KCND3: variants seen among roughly 807,000 people sequenced by gnomAD.
KCND3 encodes potassium voltage-gated channel subfamily D member 3, also known as A-type voltage-gated potassium channel KCND3.
KCND3 carries 9 observed loss-of-function variants against 51.1 expected under a neutral mutation model. The observed-to-expected ratio is 0.18, with a 90% CI of 0.11 to 0.31. The LOEUF (loss-of-function observed/expected upper bound fraction) is 0.31, where lower values mean the gene tolerates loss of function less well. Ranked by LOEUF, KCND3 falls within the 10% of genes least tolerant of loss-of-function variation. KCND3 has a pLI of 1.00. For synonymous variants in KCND3, 349 were observed against 368.0 expected (o/e 0.95, Z 0.59); for missense variants, 526 against 903.8 (o/e 0.58, Z 5.36).
At chr1:111,878,753 G>C (rs1245970876) in intron 2 of KCND3, among the ~76,000 whole-genome samples, 1 of 152,220 alleles carries the variant, frequency 6.6e-6, no homozygotes, top group Non-Finnish European at 1.5e-5. Flanking sequence ...AGAGTTAGCT[G>C]TACCAGGCAA....
At chr1:111,776,389 C>T in intron 7 of KCND3, 111 bp from the exon 8 acceptor site, 1 of 953,440 alleles carries the variant, frequency 1.0e-6, no homozygotes, top group Admixed American at 2.0e-5. Context: ...TTTTGTTGTG[C>T]CTCTATCTCT....
intron 2 of KCND3, among the ~76,000 whole-genome samples, chr1:111,817,136 C>A (rs1290127741): frequency 6.7e-6 from 1 of 150,346 alleles, no homozygotes; most frequent in Non-Finnish European, 1.5e-5. Flanking sequence ...TTTCCCTTAA[C>A]TTTTGAATGT....
At chr1:111,846,935 C>T (rs1389898419) in intron 2 of KCND3, among the ~76,000 whole-genome samples, 2 of 152,196 alleles carry the variant, frequency 1.3e-5, no homozygotes, top group Non-Finnish European at 2.9e-5. Flanking sequence ...CCTGTGTTCT[C>T]CTACTGGGTC....
intron 2 of KCND3, among the ~76,000 whole-genome samples, chr1:111,895,262 C>A (rs1366196235): frequency 6.6e-6 from 1 of 151,330 alleles, no homozygotes; most frequent in Non-Finnish European, 1.5e-5. Flanking sequence ...TGGGACCAGG[C>A]TGTAGACCAG....
intron 2 of KCND3, among the ~76,000 whole-genome samples, chr1:111,892,501 T>C (rs1669878184): frequency 6.6e-6 from 1 of 152,200 alleles, no homozygotes; most frequent in Non-Finnish European, 1.5e-5. Flanking sequence ...AAATAATTCT[T>C]GAGTGCCTAC....
chr1:111,772,532 G>GA lies in KCND3; in HGVS notation c.*3544dup, dbSNP rs1663964940. The GA allele has an allele frequency of 6.6e-6, 1 of 152,332 alleles. No homozygotes were observed. 9.4% of individuals were successfully genotyped at this position (152,332 alleles called of 1,614,324 possible). A position where few individuals can be genotyped will look rare whatever the true frequency, so the allele number is the denominator to read the frequency against. On this transcript the variant is annotated 3_prime_UTR_variant, in exon 8 of 8. Coordinates refer to ENST00000302127, the MANE Select transcript of KCND3 (RefSeq NM_001378969.1). ...GCTCTCAGAGGCAGTGGGTGTGGTA[G>GA]AAAATGCATTAGACTAATAGCCAAA...
At chr1:111,864,691 T>A (rs2101697894) in intron 2 of KCND3, among the ~76,000 whole-genome samples, 1 of 152,320 alleles carries the variant, frequency 6.6e-6, no homozygotes, top group African/African-American at 2.4e-5. Context: ...AGAAGGCATC[T>A]CAGGAGGAAC....
chr1:111,873,619 T>C (rs975064664), intron 2 of KCND3, among the ~76,000 whole-genome samples: 1 of 152,090 alleles, frequency 6.6e-6, no homozygotes, highest in Non-Finnish European at 1.5e-5. Context: ...GCTGCAGACC[T>C]AGCCCAGGGC....
At chr1:111,813,536 G>T (rs1665949968) in intron 2 of KCND3, among the ~76,000 whole-genome samples, 1 of 152,208 alleles carries the variant, frequency 6.6e-6, no homozygotes, top group African/African-American at 2.4e-5. Flanking sequence ...AACAGAGGCT[G>T]CCATCTGTAA....
chr1:111,902,670 T>C (rs1222736886), intron 2 of KCND3, among the ~76,000 whole-genome samples: 4 of 152,236 alleles, frequency 2.6e-5, no homozygotes, highest in Non-Finnish European at 4.4e-5. Context: ...GCCAGCTACT[T>C]TCCAGTGTTG....
chr1:111,921,257 A>G (rs1175859466), intron 2 of KCND3, among the ~76,000 whole-genome samples: 1 of 152,200 alleles, frequency 6.6e-6, no homozygotes, highest in Non-Finnish European at 1.5e-5. Flanking sequence ...GCTACAGCTG[A>G]AAAATGTGTA....
rs1019786983 is a variant in KCND3 at position 111,777,055 on chromosome 1, C to G, written c.1737G>C (p.Gln579His). The G allele has an allele frequency of 1.9e-6, 3 of 1,613,654 alleles. No homozygotes were observed. The highest frequency in any genetic ancestry group is 2.5e-6 in the Non-Finnish European group (3 of 1,179,884). ...SMQELSTIHIQGSEQPSLTTS... is the reference protein window; with the variant it reads ...SMQELSTIHIHGSEQPSLTTS... ...TTGTGAGGGAGGGCTGCTCACTGCC[C>G]TGGATGTGGATCGTGCTGAGCTCTT... Residue 579 changes from glutamine to histidine, a missense_variant, in exon 7 of 8, where the codon CAG (glutamine) becomes CAC (histidine). This residue lies in a region of KCND3 where 266 missense variants were observed against 305.5 expected (regional missense o/e 0.87). Transcript: ENST00000302127.
chr1:111,868,554 T>C (rs1557988566), intron 2 of KCND3, among the ~76,000 whole-genome samples: 7 of 152,112 alleles, frequency 4.6e-5, no homozygotes. Flanking sequence ...CCCATGGGCA[T>C]GGGGGGGACT....
Position 111,780,170 on chromosome 1 carries a change from T to C in KCND3, c.1461+55A>G. 6.7e-7 allele frequency: 1 copy of C among 1,489,716 alleles called. No homozygotes were observed. The highest frequency in any genetic ancestry group is 9.2e-7 in the Non-Finnish European group (1 of 1,091,244). The allele number at this position is 1,489,716 out of a possible 1,614,324, so 92.3% of individuals were successfully genotyped here. On this transcript the variant is annotated intron_variant, in intron 5 of 7. Transcript: ENST00000302127. This position sits in a 1 kb window ranked among gnomAD's most constrained non-coding sequence, Gnocchi z 4.2. Reference sequence around the variant, plus strand: ...CAGAGTGAAGATGTGAGTACAGCCTTAGAAAAGGGTCAGGGTCAGCGATGA... The same window carrying C: ...CAGAGTGAAGATGTGAGTACAGCCTCAGAAAAGGGTCAGGGTCAGCGATGA...
intron 2 of KCND3, among the ~76,000 whole-genome samples, chr1:111,866,886 T>C (rs912292126): frequency 2.6e-5 from 4 of 152,208 alleles, no homozygotes; most frequent in African/African-American, 7.2e-5. Flanking sequence ...TAATCACCAG[T>C]GCCAGCACCA....
chr1:111,801,896 G>A (rs986947624), intron 2 of KCND3, among the ~76,000 whole-genome samples: 5 of 152,166 alleles, frequency 3.3e-5, no homozygotes, highest in Admixed American at 2.0e-4. Flanking sequence ...CTACACCCAC[G>A]TGGCACAGGA....
At chr1:111,821,400 G>C (rs1357312497) in intron 2 of KCND3, among the ~76,000 whole-genome samples, 6 of 152,200 alleles carry the variant, frequency 3.9e-5, no homozygotes, top group Admixed American at 3.9e-4. Context: ...TCTGATGTGA[G>C]TCAGCCAGCT....
At position 111,967,420 on chromosome 1, in the gene KCND3, T is replaced by C. The variant is rs369015537; in HGVS notation, c.1106+14201A>G. On this transcript the variant is annotated intron_variant, in intron 2 of 7. Coordinates refer to ENST00000302127, the MANE Select transcript of KCND3 (RefSeq NM_001378969.1). The stretch of plus-strand genomic sequence containing the variant: ...GCCCAACGAGAGGCATCCAGGGAGC[T>C]GAATTCACAGTTCCCTGCTCTCTCC... Among the ~76,000 whole-genome samples, 112 of 152,262 alleles carry C rather than the reference T, an allele frequency of 7.4e-4. 2 individuals are homozygous for C. The South Asian group carries it at 0.022, about 30-fold the overall frequency.
chr1:111,969,704 G>A (rs951817054), intron 2 of KCND3, among the ~76,000 whole-genome samples: 2 of 152,196 alleles, frequency 1.3e-5, no homozygotes, highest in African/African-American at 2.4e-5. Flanking sequence ...ATGTCAGGGT[G>A]AACCTATTTC....
Sources: gnomAD v4.1 joint callset for allele counts (sites outside exome capture counted in the v4.1 genomes callset) on GRCh38, gnomAD v4.1.1 for gene constraint, gnomAD v4.1.1 regional missense constraint, Gnocchi (gnomAD v3.1) non-coding constraint, MANE v1.5 for transcripts, NCBI Gene and HGNC (gene_info 2026-07-23, HGNC 2026-07-21) for gene names.